Variants in NRXN1 observed in about 807,000 individuals in gnomAD.
NRXN1 encodes the protein neurexin-1.
Under a neutral mutation model 150.9 loss-of-function variants are expected in NRXN1, and 39 were observed. The observed-to-expected ratio is 0.26, with a 90% CI of 0.20 to 0.34. NRXN1 has a LOEUF of 0.34. Ranked by LOEUF, NRXN1 falls within the 10% of genes least tolerant of loss-of-function variation. NRXN1 has a pLI of 1.00. For missense variants in NRXN1, 1,815 were observed against 1,949.9 expected (o/e 0.93, Z 1.30); for synonymous variants, 924 against 757.0 (o/e 1.22, Z -3.62).
At chr2:50,889,574 A>G (rs918691508) in intron 5 of NRXN1, among the ~76,000 whole-genome samples, 8 of 151,796 alleles carry the variant, frequency 5.3e-5, no homozygotes, top group African/African-American at 1.9e-4. Flanking sequence ...TAACGTGTAC[A>G]TTATTTTCAG....
At chr2:50,604,215 C>G (rs1676733170) in intron 8 of NRXN1, among the ~76,000 whole-genome samples, 1 of 152,152 alleles carries the variant, frequency 6.6e-6, no homozygotes, top group African/African-American at 2.4e-5. Context: ...TAATAAACAG[C>G]AGCCTTGATT....
intron 5 of NRXN1, among the ~76,000 whole-genome samples, chr2:50,848,306 C>T (rs914690222): frequency 6.6e-6 from 1 of 152,148 alleles, no homozygotes; most frequent in Non-Finnish European, 1.5e-5. Flanking sequence ...AGGTCTGATT[C>T]CAGCAACAAA....
At chr2:49,939,713 A>G (rs1318548187) in intron 22 of NRXN1, among the ~76,000 whole-genome samples, 1 of 152,200 alleles carries the variant, frequency 6.6e-6, no homozygotes, top group Non-Finnish European at 1.5e-5. Context: ...TTCTTTTTGT[A>G]TAACTGAATT....
intron 21 of NRXN1, among the ~76,000 whole-genome samples, chr2:50,015,554 T>A (rs1458268317): frequency 2.0e-5 from 3 of 146,946 alleles, no homozygotes; most frequent in Non-Finnish European, 4.5e-5. Context: ...AGACCTGGGC[T>A]TGGGAGGAGG....
intron 2 of NRXN1, among the ~76,000 whole-genome samples, chr2:50,948,367 T>C (rs1041590079): frequency 3.3e-5 from 5 of 152,070 alleles, no homozygotes; most frequent in African/African-American, 1.2e-4. Context: ...ACATAAATCA[T>C]TGCTAATCCC....
At chr2:50,320,026 C>A (rs1454437821) in intron 17 of NRXN1, among the ~76,000 whole-genome samples, 1 of 151,706 alleles carries the variant, frequency 6.6e-6, no homozygotes, top group East Asian at 2.0e-4. Context: ...ACAGTGTTAT[C>A]GAAACCTAAC....
At chr2:50,342,810 C>T (rs2077648671) in intron 17 of NRXN1, among the ~76,000 whole-genome samples, 2 of 152,212 alleles carry the variant, frequency 1.3e-5, no homozygotes, top group Admixed American at 1.3e-4. Flanking sequence ...TTGCTCTGGG[C>T]TATGGGCCAT....
At chr2:50,110,026 T>C (rs1314724265) in intron 18 of NRXN1, among the ~76,000 whole-genome samples, 1 of 152,160 alleles carries the variant, frequency 6.6e-6, no homozygotes, top group Non-Finnish European at 1.5e-5. Context: ...ATGTTTACTA[T>C]GTAAGAGGAA....
At chr2:50,504,394 C>G (rs2092116570) in intron 13 of NRXN1, among the ~76,000 whole-genome samples, 1 of 152,086 alleles carries the variant, frequency 6.6e-6, no homozygotes, top group Admixed American at 6.6e-5. Context: ...GTGTATGTAA[C>G]TTACCCTCAA....
Position 50,044,475 on chromosome 2 carries a change from G to A in NRXN1, c.4128+8796C>T, listed in dbSNP as rs373112815. Among the ~76,000 whole-genome samples, 75 of 152,310 alleles carry A rather than the reference G, an allele frequency of 4.9e-4. 1 individual carries two copies. In the East Asian group the frequency reaches 0.012, roughly 24 times the overall value. On this transcript the variant is annotated intron_variant, in intron 21 of 22. Coordinates refer to ENST00000401669, the MANE Select transcript of NRXN1 (RefSeq NM_001330078.2). ...AAGAGAATGTGGATAATTCCAGAGT[G>A]AGGGTAGTGTCTAGCACATTGCCAA...
At chr2:50,315,515 A>T (rs771690286) in intron 17 of NRXN1, among the ~76,000 whole-genome samples, 37 of 152,150 alleles carry the variant, frequency 2.4e-4, no homozygotes, top group Admixed American at 1.3e-4. Flanking sequence ...GCAATATTCA[A>T]ATCTGTGGCA....
intron 2 of NRXN1, among the ~76,000 whole-genome samples, chr2:50,977,920 A>G (rs1696119571): frequency 6.6e-6 from 1 of 151,774 alleles, no homozygotes; most frequent in South Asian, 2.1e-4. Context: ...TAGCAATCTG[A>G]AACAACAAAT....
chr2:50,898,524 C>G, intron 5 of NRXN1: 1 of 407,606 alleles, frequency 2.5e-6, no homozygotes, highest in South Asian at 1.8e-5. Context: ...TATGAAATGT[C>G]AAATAAAAGA....
chr2:50,754,107 T>A (rs1439331171), intron 5 of NRXN1, among the ~76,000 whole-genome samples: 1 of 151,812 alleles, frequency 6.6e-6, no homozygotes, highest in African/African-American at 2.4e-5. Context: ...TCATTCACTA[T>A]CCATTTACAA....
At chr2:50,051,511 G>C (rs1214844298) in intron 21 of NRXN1, among the ~76,000 whole-genome samples, 1 of 152,032 alleles carries the variant, frequency 6.6e-6, no homozygotes, top group Non-Finnish European at 1.5e-5. Flanking sequence ...TCCTGTATCA[G>C]ATTTACTGTA....
intron 21 of NRXN1, among the ~76,000 whole-genome samples, chr2:49,968,955 G>T (rs1677445526): frequency 6.6e-6 from 1 of 152,008 alleles, no homozygotes; most frequent in African/African-American, 2.4e-5. Flanking sequence ...ATACAATCAT[G>T]CAGTACATAT....
chr2:50,096,478 G>T (rs1700240742), intron 18 of NRXN1, among the ~76,000 whole-genome samples: 1 of 151,920 alleles, frequency 6.6e-6, no homozygotes, highest in African/African-American at 2.4e-5. Flanking sequence ...TTATTCTCTG[G>T]GATTAAATAT....
intron 18 of NRXN1, among the ~76,000 whole-genome samples, chr2:50,210,018 C>T (rs2062899466): frequency 6.6e-6 from 1 of 151,858 alleles, no homozygotes; most frequent in South Asian, 2.1e-4. Flanking sequence ...AGTATATTTT[C>T]CATTCAAAAC....
At chr2:49,929,010 G>C (rs1669648430) in intron 22 of NRXN1, among the ~76,000 whole-genome samples, 1 of 152,100 alleles carries the variant, frequency 6.6e-6, no homozygotes, top group African/African-American at 2.4e-5. Context: ...TACCTGCCTG[G>C]CTGCTGTCTC....
Sources: allele counts gnomAD v4.1 joint callset (sites outside exome capture counted in the v4.1 genomes callset), GRCh38; gene constraint gnomAD v4.1.1; transcripts MANE v1.5; gene names NCBI Gene and HGNC (gene_info 2026-07-23, HGNC 2026-07-21).